RORC: variants seen among roughly 807,000 people sequenced by gnomAD.
The protein encoded by RORC is nuclear receptor ROR-gamma.
A neutral mutation model predicts 64.5 loss-of-function variants in RORC; 13 were observed. The ratio of observed to expected loss-of-function variants is 0.20; its 90% CI spans 0.13 to 0.32. RORC has a LOEUF of 0.32. RORC is among the 10% of genes least tolerant of loss of function. The probability of loss-of-function intolerance (pLI) is 1.00; values close to 1 mark genes in which losing one functional copy is unlikely to be tolerated. For synonymous variants in RORC, 277 were observed against 259.3 expected (o/e 1.07, Z -0.65); for missense variants, 468 against 669.5 (o/e 0.70, Z 3.32).
chr1:151,826,719 GATC>G (rs1490176791), intron 2 of RORC, among the ~76,000 whole-genome samples: 1 of 152,204 alleles, frequency 6.6e-6, no homozygotes, highest in Non-Finnish European at 1.5e-5. Flanking sequence ...TGTAGATAAT[GATC>G]ATCATCACCA....
chr1:151,826,309 C>T (rs1652195127), intron 2 of RORC, among the ~76,000 whole-genome samples: 1 of 152,170 alleles, frequency 6.6e-6, no homozygotes, highest in South Asian at 2.1e-4. Flanking sequence ...TTCCACCCGC[C>T]AGGGTAGTTC....
chr1:151,815,609 C>T (rs1651727427), intron 4 of RORC, among the ~76,000 whole-genome samples, 184 bp from the exon 5 acceptor site: 1 of 152,214 alleles, frequency 6.6e-6, no homozygotes, highest in African/African-American at 2.4e-5. Flanking sequence ...CTCTTGTTTG[C>T]TTCTGGGGTC....
At chr1:151,819,999 G>C (rs1036448959) in intron 2 of RORC, among the ~76,000 whole-genome samples, 2 of 152,134 alleles carry the variant, frequency 1.3e-5, no homozygotes, top group African/African-American at 4.8e-5. Flanking sequence ...TTTGGGTCCA[G>C]GAAAAACAGA....
rs200060974 is a variant in RORC, at chr1:151,830,681, GA to G, written c.40+1043del. On this transcript the variant is annotated intron_variant, in intron 1 of 10. Coordinates refer to ENST00000318247, the MANE Select transcript of RORC (RefSeq NM_005060.4). The surrounding 1 kb of genome is among the most constrained non-coding windows in gnomAD (Gnocchi z 4.0). ...ACACACAGTGCCCTTCTGCCCGGGA[GA>G]TGCTCCCCACTGGCAGGCCGTGGTC... Among the ~76,000 whole-genome samples, 3,208 of 110,438 alleles carry G rather than the reference GA, an allele frequency of 0.029. 122 individuals carry two copies. Among genetic ancestry groups the G allele is most frequent in the African/African-American group, 0.095 (3,057 of 32,076 alleles). 72.5% of individuals were successfully genotyped at this position (110,438 alleles called of 152,430 possible). A position where few individuals can be genotyped will look rare whatever the true frequency, so the allele number is the denominator to read the frequency against.
intron 2 of RORC, among the ~76,000 whole-genome samples, chr1:151,826,662 G>A (rs1652208014): frequency 6.6e-6 from 1 of 152,222 alleles, no homozygotes; most frequent in Non-Finnish European, 1.5e-5. Flanking sequence ...ACAATCCACA[G>A]AAGGAAACCA....
intron 2 of RORC, among the ~76,000 whole-genome samples, chr1:151,821,558 G>A (rs1221576404): frequency 1.3e-5 from 2 of 152,182 alleles, no homozygotes; most frequent in Admixed American, 1.3e-4. Context: ...GGCCCTGCTA[G>A]TATCATCCTC....
chr1:151,819,360 G>C (rs1213977233), intron 2 of RORC, among the ~76,000 whole-genome samples: 1 of 152,208 alleles, frequency 6.6e-6, no homozygotes. Context: ...CCAATGGAAA[G>C]CACTGTGTAT....
chr1:151,814,530 T>TG, intron 6 of RORC, 44 bp downstream of exon 6: 2 of 1,581,058 alleles, frequency 1.3e-6, no homozygotes, highest in Non-Finnish European at 1.7e-6. Flanking sequence ...ACTCTCCCGG[T>TG]GGGGGTGGGA....
At position 151,830,630 on chromosome 1, in the gene RORC, AC is replaced by A. The variant is rs1652369323; in HGVS notation, c.40+1094del. Among the ~76,000 whole-genome samples the A allele has an allele frequency of 7.5e-6, 1 of 133,102 alleles. No individual in the cohort carries two copies. The highest frequency in any genetic ancestry group is 2.6e-5 in the African/African-American group (1 of 37,806). The allele number at this position is 133,102 out of a possible 152,430, so 87.3% of individuals were successfully genotyped here. On this transcript the variant is annotated intron_variant, in intron 1 of 10. Transcript: ENST00000318247. This position sits in a 1 kb window ranked among gnomAD's most constrained non-coding sequence, Gnocchi z 4.0. ...GTCTTGACACCTGACATACACACACACACACACACACACACACACACACACA... is the reference window on the plus strand; with the variant it reads ...GTCTTGACACCTGACATACACACACAACACACACACACACACACACACACA...
chr1:151,813,654 T>G (rs752942270), intron 6 of RORC, 34 bp from the exon 7 acceptor site: 61 of 1,611,558 alleles, frequency 3.8e-5, no homozygotes, highest in Non-Finnish European at 4.2e-5. Flanking sequence ...GCTGTAGCGC[T>G]CTGTGTGGCC....
rs1651519522 is a variant in RORC, at chr1:151,811,375, C to A, written c.1345G>T (p.Ala449Ser). 1 of 1,614,032 alleles carries A rather than the reference C, an allele frequency of 6.2e-7. No homozygotes were observed. Among genetic ancestry groups the A allele is most frequent in the African/African-American group, 1.3e-5 (1 of 75,032 alleles). ...GTCTTGCAGAGATGATGATGAAAGG[C>A]CAGCTCCAGATTGTACTGCAGCTGT... ...VEQLQYNLEL[A>S]FHHHLCKTHR... Residue 449 changes from alanine to serine, a missense_variant, in exon 10 of 11, where the codon GCC becomes TCC. By Grantham distance (99) the Ala-to-Ser change is moderately conservative. Transcript: ENST00000318247.
chr1:151,811,291 G>T, intron 10 of RORC, 34 bp downstream of exon 10: 3 of 1,405,130 alleles, frequency 2.1e-6, no homozygotes, highest in Non-Finnish European at 3.0e-6. Context: ...CTAGCGATGG[G>T]CCTGGCCTCT....
rs779177262 is a variant in RORC at position 151,816,908 on chromosome 1, C to T, written c.157-103G>A. ...GCTCTGGCAGCTTTTCTACATCCCA[C>T]GACCTGTCAGTTTTCTCTCTCCTCC... is the stretch of plus-strand genomic sequence containing the variant. On this transcript the variant is annotated intron_variant, in intron 3 of 10. Transcript: ENST00000318247. 1.4e-5 allele frequency: 18 copies of T among 1,248,670 alleles called. No individual in the cohort carries two copies. The East Asian group carries it at 2.2e-4, about 15-fold the overall frequency. The allele number at this position is 1,248,670 out of a possible 1,614,324, so 77.3% of individuals were successfully genotyped here. A position where few individuals can be genotyped will look rare whatever the true frequency, so the allele number is the denominator to read the frequency against.
At chr1:151,820,862 T>C (rs1308899411) in intron 2 of RORC, among the ~76,000 whole-genome samples, 1 of 152,156 alleles carries the variant, frequency 6.6e-6, no homozygotes, top group Non-Finnish European at 1.5e-5. Context: ...AAGAACTTAG[T>C]CCCTATTCCT....
intron 1 of RORC, chr1:151,831,150 C>G (rs1421837616): frequency 7.1e-6 from 9 of 1,261,388 alleles, no homozygotes; most frequent in African/African-American, 1.5e-5. Flanking sequence ...GATGAAATCC[C>G]ACATCCCTGG....
intron 9 of RORC, chr1:151,812,532 G>T: frequency 6.1e-6 from 1 of 164,782 alleles, no homozygotes; most frequent in Admixed American, 5.7e-5. Context: ...AGGTTTATTG[G>T]GACATAACCC....
chr1:151,827,950 T>C (rs1361278275), intron 2 of RORC, among the ~76,000 whole-genome samples: 1 of 145,396 alleles, frequency 6.9e-6, no homozygotes, highest in African/African-American at 2.5e-5. Context: ...ATAAGGTCCG[T>C]GACCCCCCTC....
In RORC at chr1:151,807,282, C is replaced by A; in HGVS notation, c.*190G>T. ...GGAGATGGTGTTCTGCCAGCCCCACCCTCTGGCGATTGTCCCACTGCCAGG... is the reference window on the plus strand; with the variant it reads ...GGAGATGGTGTTCTGCCAGCCCCACACTCTGGCGATTGTCCCACTGCCAGG... On this transcript the variant is annotated 3_prime_UTR_variant, in exon 11 of 11. Coordinates refer to ENST00000318247, the MANE Select transcript of RORC (RefSeq NM_005060.4). The surrounding 1 kb of genome is among the most constrained non-coding windows in gnomAD (Gnocchi z 5.0). 1 of 555,610 alleles carries A rather than the reference C, an allele frequency of 1.8e-6. No individual in the cohort carries two copies. The highest frequency in any genetic ancestry group is 2.6e-5 in the South Asian group (1 of 38,226). The allele number at this position is 555,610 out of a possible 1,614,324, so 34.4% of individuals were successfully genotyped here. A position where few individuals can be genotyped will look rare whatever the true frequency, so the allele number is the denominator to read the frequency against.
chr1:151,825,527 C>CAAGGGAAACACT (rs1558170137), intron 2 of RORC, among the ~76,000 whole-genome samples: 3 of 152,126 alleles, frequency 2.0e-5, no homozygotes, highest in South Asian at 2.1e-4. Flanking sequence ...AGGGAAACAC[C>CAAGGGAAACACT]GTAACAAGGG....
Sources: allele counts gnomAD v4.1 joint callset (sites outside exome capture counted in the v4.1 genomes callset), GRCh38; gene constraint gnomAD v4.1.1; non-coding constraint Gnocchi (gnomAD v3.1); transcripts MANE v1.5; gene names NCBI Gene and HGNC (gene_info 2026-07-23, HGNC 2026-07-21).